SOAT2: variants seen among roughly 807,000 people sequenced by gnomAD.
The protein encoded by SOAT2 is sterol O-acyltransferase 2, also known as ACAT-2.
In SOAT2, 87 loss-of-function variants were observed where a neutral mutation model predicts 76.0. The observed-to-expected ratio is 1.14, with a 90% confidence interval of 0.96 to 1.37. The LOEUF is 1.37. SOAT2 is among the 40% of genes most tolerant of loss of function. The pLI, the probability that SOAT2 is intolerant of heterozygous loss-of-function variation, is 0.00. For synonymous variants in SOAT2, 285 were observed against 275.4 expected, an observed-to-expected ratio of 1.03 and a Z score of -0.34; for missense variants, 686 against 682.1, an observed-to-expected ratio of 1.01 and a Z score of -0.06.
At chr12:53,113,013 TC>T (rs779245961) in intron 5 of SOAT2, among the ~76,000 whole-genome samples, 197 of 151,948 alleles carry the variant, frequency 1.3e-3, no homozygotes, top group Admixed American at 2.4e-3. Context: ...AACCTCATGA[TC>T]CAGCCACCTT....
At chr12:53,105,369 C>A in intron 3 of SOAT2, 126 bp downstream of exon 3, 1 of 1,296,016 alleles carries the variant, frequency 7.7e-7, no homozygotes, top group Non-Finnish European at 1.1e-6. Flanking sequence ...CCCCCCTTGT[C>A]TTCCTAACAC....
chr12:53,117,781 T>A (rs1191938032), intron 7 of SOAT2, among the ~76,000 whole-genome samples: 1 of 152,130 alleles, frequency 6.6e-6, no homozygotes, highest in Non-Finnish European at 1.5e-5. Context: ...TCCAGTTATG[T>A]ATCCCCACAC....
In SOAT2 at chr12:53,103,573, G is replaced by C. The variant is rs924937589; in HGVS notation, c.-5G>C. 1 of 1,545,534 alleles carries C rather than the reference G, an allele frequency of 6.5e-7. No individual in the cohort carries two copies. Among genetic ancestry groups the C allele is most frequent in the Non-Finnish European group, 8.7e-7 (1 of 1,146,804 alleles). Reference sequence around the variant, plus strand: ...GGCTGCCTGCTGCCCGCTGGAGACCGCACCATGGAGCCAGGCGGGGCCCGT... The same window carrying C: ...GGCTGCCTGCTGCCCGCTGGAGACCCCACCATGGAGCCAGGCGGGGCCCGT... On this transcript the variant is annotated 5_prime_UTR_variant, in exon 1 of 15. Transcript: ENST00000301466.
chr12:53,118,759 C>A, intron 8 of SOAT2, 131 bp from the exon 9 acceptor site: 2 of 964,742 alleles, frequency 2.1e-6, no homozygotes, highest in South Asian at 1.4e-5. Context: ...TAGACCCCAC[C>A]ACCCTAGATA....
At chr12:53,108,641 A>G (rs1403095016) in intron 5 of SOAT2, among the ~76,000 whole-genome samples, 1 of 152,232 alleles carries the variant, frequency 6.6e-6, no homozygotes, top group East Asian at 1.9e-4. Flanking sequence ...GAAAAAGATC[A>G]CTTCAATCTC....
In SOAT2 at chr12:53,118,883, G is replaced by C. The variant is rs750132291; in HGVS notation, c.864-7G>C. ...TGAGAAACATATTGTCCCCATTGCC[G>C]CTGCAGGACGCCCTATGTCAGGTGG... On this transcript the variant is annotated splice_polypyrimidine_tract_variant and splice_region_variant and intron_variant, in intron 8 of 14. Coordinates refer to ENST00000301466, the MANE Select transcript of SOAT2 (RefSeq NM_003578.4). 1.9e-6 allele frequency: 3 copies of C among 1,614,016 alleles called. No homozygotes were observed. Among genetic ancestry groups the C allele is most frequent in the Non-Finnish European group, 1.7e-6 (2 of 1,179,964 alleles).
At chr12:53,116,028 G>A (rs61929189) in intron 6 of SOAT2, 69 bp from the exon 7 acceptor site, 51,121 of 1,342,486 alleles carry the variant, frequency 0.038, 1,214 homozygotes, top group Non-Finnish European at 0.047. Flanking sequence ...GTAACCCAGA[G>A]CACAGAGAGG....
intron 5 of SOAT2, among the ~76,000 whole-genome samples, chr12:53,112,071 A>G (rs895699856): frequency 3.9e-5 from 6 of 152,164 alleles, no homozygotes; most frequent in African/African-American, 1.4e-4. Flanking sequence ...AAAAGGGAGA[A>G]TTATTATGAA....
chr12:53,122,931 T>A lies in SOAT2; in HGVS notation c.1237-150T>A, dbSNP rs60750629. 14,902 of 770,966 alleles carry A rather than the reference T, an allele frequency of 0.019. 1,738 individuals are homozygous for A. In the African/African-American group the frequency reaches 0.25, roughly 13 times the overall value. 47.8% of individuals were successfully genotyped at this position (770,966 alleles called of 1,614,324 possible). On this transcript the variant is annotated intron_variant, in intron 12 of 14. Coordinates refer to ENST00000301466, the MANE Select transcript of SOAT2 (RefSeq NM_003578.4). ...CGGCCGGGCAGAGGCGCCCCTCACC[T>A]CCCGGACGGGGCGGCTGGCCGGGCG...
intron 5 of SOAT2, among the ~76,000 whole-genome samples, chr12:53,112,280 C>T (rs139314301): frequency 0.02 from 3,057 of 152,134 alleles, 93 homozygotes; most frequent in African/African-American, 0.069. Flanking sequence ...GGTGTGGTGG[C>T]TCACGCCTGT....
chr12:53,115,697 G>C, intron 6 of SOAT2, 43 bp downstream of exon 6: 1 of 1,470,318 alleles, frequency 6.8e-7, no homozygotes, highest in South Asian at 1.4e-5. Context: ...GAACCAGCTG[G>C]TGGGGCCATC....
intron 5 of SOAT2, among the ~76,000 whole-genome samples, chr12:53,108,862 T>C (rs1192452558): frequency 1.3e-5 from 2 of 152,228 alleles, no homozygotes; most frequent in African/African-American, 2.4e-5. Flanking sequence ...CAATTGTTTA[T>C]GGATGACAAA....
rs186517503 is a variant in SOAT2, at chr12:53,104,112, A to G, written c.83-39A>G. ...ATGCCTCTGGGTCTGCAGAACCCCA[A>G]TTCCTCCTGTTGACTGTGCCTTTGA... On this transcript the variant is annotated intron_variant, in intron 1 of 14. Coordinates refer to ENST00000301466, the MANE Select transcript of SOAT2 (RefSeq NM_003578.4). The G allele has an allele frequency of 7.5e-6, 12 of 1,592,196 alleles. No homozygotes were observed. The East Asian group carries it at 1.1e-4, about 15-fold the overall frequency.
intron 4 of SOAT2, 81 bp from the exon 5 acceptor site, chr12:53,105,826 C>A: frequency 1.6e-6 from 2 of 1,222,946 alleles, no homozygotes; most frequent in Non-Finnish European, 2.4e-6. Context: ...AGGCCCCATG[C>A]CTCATGTGTA....
At chr12:53,106,372 C>A (rs1937936751) in intron 5 of SOAT2, among the ~76,000 whole-genome samples, 1 of 152,258 alleles carries the variant, frequency 6.6e-6, no homozygotes, top group South Asian at 2.1e-4. Flanking sequence ...GAGTACCAGT[C>A]CTAGTGGCCA....
intron 10 of SOAT2, 122 bp downstream of exon 10, chr12:53,119,375 G>A: frequency 9.3e-7 from 1 of 1,074,286 alleles, no homozygotes; most frequent in African/African-American, 1.6e-5. Flanking sequence ...CCTCACATCT[G>A]TCCCCTCCTA....
rs1344148149 is a variant in SOAT2 at position 53,105,980 on chromosome 12, A to G, written c.409A>G (p.Ser137Gly). 2.5e-6 allele frequency: 4 copies of G among 1,614,060 alleles called. No individual in the cohort carries two copies. Among genetic ancestry groups the G allele is most frequent in the Non-Finnish European group, 3.4e-6 (4 of 1,179,966 alleles). ...CGCTGGCCTGTGTGTCTTCATCATCAGCACCCTGGCCATCGACTTCATTGA... is the reference window on the plus strand; with the variant it reads ...CGCTGGCCTGTGTGTCTTCATCATCGGCACCCTGGCCATCGACTTCATTGA... ...FIAGLCVFII[S>G]TLAIDFIDEG... is the part of the protein sequence containing the mutation. Residue 137 changes from serine (S) to glycine (G), a missense_variant, in exon 5 of 15, where the codon AGC (serine) becomes GGC (glycine). By Grantham distance (56) the Ser-to-Gly change is moderately conservative. Transcript: ENST00000301466.
At chr12:53,104,404 A>G (rs3782149) in intron 2 of SOAT2, among the ~76,000 whole-genome samples, 198 bp downstream of exon 2, 13,631 of 151,314 alleles carry the variant, frequency 0.09, 674 homozygotes, top group East Asian at 0.15. Context: ...CGAGTAGCTG[A>G]ACTACAGATG....
At chr12:53,123,294 A>G (rs911137711) in intron 13 of SOAT2, 78 bp downstream of exon 13, 2 of 1,572,006 alleles carry the variant, frequency 1.3e-6, no homozygotes, top group Non-Finnish European at 8.7e-7. Context: ...TCCCAGACTG[A>G]TGGTGGGAGG....
Sources: allele counts gnomAD v4.1 joint callset (sites outside exome capture counted in the v4.1 genomes callset), GRCh38; gene constraint gnomAD v4.1.1; transcripts MANE v1.5; gene names NCBI Gene and HGNC (gene_info 2026-07-23, HGNC 2026-07-21).